PARD3B: variants seen among roughly 807,000 people sequenced by gnomAD.
PARD3B encodes the protein partitioning defective 3 homolog B.
PARD3B carries 103 observed loss-of-function variants against 130.2 expected under a neutral mutation model. The observed-to-expected ratio is 0.79, with a 90% CI of 0.67 to 0.93. The LOEUF (loss-of-function observed/expected upper bound fraction) is 0.93. Ranked by LOEUF, PARD3B falls within the 40% of genes least tolerant of loss-of-function variation. The pLI is 0.00. For missense variants in PARD3B, 1,609 were observed against 1,499.2 expected, an observed-to-expected ratio of 1.07 and a Z score of -1.21; for synonymous variants, 583 against 553.2, an observed-to-expected ratio of 1.05 and a Z score of -0.76.
At chr2:205,285,772 A>C (rs1007399307) in intron 16 of PARD3B, among the ~76,000 whole-genome samples, 1 of 152,056 alleles carries the variant, frequency 6.6e-6, no homozygotes, top group Non-Finnish European at 1.5e-5. Context: ...GTATCTTGCC[A>C]CATCCCACCT....
In PARD3B at chr2:205,518,383, G is replaced by A. The variant is rs150469606; in HGVS notation, c.3180+18352G>A. The stretch of plus-strand genomic sequence containing the variant: ...TTTGTTGGTTTGAAGTCTGTTTTGT[G>A]TTAAATTAGGATTGCAGCCTCTACT... On this transcript the variant is annotated intron_variant, in intron 21 of 22. Coordinates refer to ENST00000406610, the MANE Select transcript of PARD3B (RefSeq NM_001302769.2). Among the ~76,000 whole-genome samples the A allele has an allele frequency of 3.3e-3, 501 of 152,148 alleles. 1 individual carries two copies. The highest frequency in any genetic ancestry group is 0.011 in the African/African-American group (477 of 41,542).
chr2:204,692,097 T>A (rs2037382128), intron 2 of PARD3B, among the ~76,000 whole-genome samples: 1 of 152,146 alleles, frequency 6.6e-6, no homozygotes, highest in Non-Finnish European at 1.5e-5. Context: ...CTGAACACTC[T>A]GTTGCCCTCT....
chr2:204,873,195 G>A (rs1175388743), intron 2 of PARD3B, among the ~76,000 whole-genome samples: 1 of 152,174 alleles, frequency 6.6e-6, no homozygotes, highest in Non-Finnish European at 1.5e-5. Flanking sequence ...ATCCTTTACA[G>A]GTAGAATCTT....
At chr2:204,631,712 C>G (rs765157025) in intron 1 of PARD3B, among the ~76,000 whole-genome samples, 30 of 152,138 alleles carry the variant, frequency 2.0e-4, no homozygotes, top group Non-Finnish European at 3.5e-4. Context: ...GGTCTGTGTA[C>G]TTCAGTGTTT....
At chr2:204,940,924 T>C (rs1190882881) in intron 2 of PARD3B, among the ~76,000 whole-genome samples, 1 of 71,734 alleles carries the variant, frequency 1.4e-5, no homozygotes, top group East Asian at 5.0e-4. Context: ...AAAAATACAG[T>C]ACAAGAAAAA....
chr2:205,527,522 G>A (rs960015179), intron 21 of PARD3B, among the ~76,000 whole-genome samples: 1 of 152,116 alleles, frequency 6.6e-6, no homozygotes, highest in Admixed American at 6.6e-5. Context: ...AGTCTTTTCT[G>A]TGGTGACAAG....
At chr2:204,985,020 G>A (rs1314173685) in intron 3 of PARD3B, among the ~76,000 whole-genome samples, 1 of 151,756 alleles carries the variant, frequency 6.6e-6, no homozygotes, top group Admixed American at 6.6e-5. Flanking sequence ...ACCACGTTTG[G>A]CACGTCTAAT....
chr2:205,507,371 C>T (rs1033689678), intron 21 of PARD3B, among the ~76,000 whole-genome samples: 8 of 151,620 alleles, frequency 5.3e-5, no homozygotes, highest in Non-Finnish European at 7.4e-5. Flanking sequence ...CCCACCACCA[C>T]GCCCGGCTAA....
chr2:205,248,388 G>A (rs2039662953), intron 16 of PARD3B, among the ~76,000 whole-genome samples: 1 of 150,820 alleles, frequency 6.6e-6, no homozygotes, highest in South Asian at 2.1e-4. Flanking sequence ...ATTTGGTGGT[G>A]GTGGTGGTGG....
chr2:205,391,058 A>AATCTGTGGCCAGTGTGG (rs1197347160), intron 18 of PARD3B, among the ~76,000 whole-genome samples: 3 of 152,162 alleles, frequency 2.0e-5, no homozygotes, highest in African/African-American at 7.2e-5. Flanking sequence ...CTGCAGGATG[A>AATCTGTGGCCAGTGTGG]ATCTGTGGCC....
intron 22 of PARD3B, among the ~76,000 whole-genome samples, chr2:205,553,717 T>G (rs538904825): frequency 2.0e-5 from 3 of 152,154 alleles, no homozygotes; most frequent in African/African-American, 7.2e-5. Context: ...TTAGAGACAA[T>G]CAAATAGTAA....
intron 2 of PARD3B, among the ~76,000 whole-genome samples, chr2:204,726,334 C>T (rs2039226326): frequency 1.3e-5 from 2 of 152,136 alleles, no homozygotes; most frequent in South Asian, 2.1e-4. Flanking sequence ...GCTGGTTCAT[C>T]CTCACTCATC....
intron 18 of PARD3B, among the ~76,000 whole-genome samples, chr2:205,378,607 T>C (rs968651940): frequency 6.6e-6 from 1 of 151,456 alleles, no homozygotes; most frequent in Admixed American, 6.6e-5. Flanking sequence ...GGCTGGAAGT[T>C]AGCAGAAAAG....
intron 2 of PARD3B, among the ~76,000 whole-genome samples, chr2:204,736,999 G>A (rs1414982035): frequency 1.3e-5 from 2 of 152,130 alleles, no homozygotes; most frequent in Non-Finnish European, 2.9e-5. Context: ...CCAGGCTGGA[G>A]TGCAATGGCC....
chr2:205,067,095 C>CTTTTTTTTTTTTTTTTTTTTTTTTT lies in PARD3B; in HGVS notation c.504+19410_504+19434dup, dbSNP rs10672449. 1.2e-4 allele frequency among the ~76,000 whole-genome samples: 7 copies of CTTTTTTTTTTTTTTTTTTTTTTTTT among 59,722 alleles called. 2 individuals carry two copies. The highest frequency in any genetic ancestry group is 2.2e-4 in the Non-Finnish European group (7 of 32,130). 39.2% of individuals were successfully genotyped at this position (59,722 alleles called of 152,430 possible). A position where few individuals can be genotyped will look rare whatever the true frequency, so the allele number is the denominator to read the frequency against. ...GCATCTTGCATCCACTTTTACTAGG[C>CTTTTTTTTTTTTTTTTTTTTTTTTT]TTTTTTTTTTTTTTTTTTTTTTTTT... is the stretch of plus-strand genomic sequence containing the variant. On this transcript the variant is annotated intron_variant, in intron 4 of 22. Coordinates refer to ENST00000406610, the MANE Select transcript of PARD3B (RefSeq NM_001302769.2).
At chr2:205,395,494 C>T (rs2045995242) in intron 18 of PARD3B, among the ~76,000 whole-genome samples, 1 of 152,178 alleles carries the variant, frequency 6.6e-6, no homozygotes, top group African/African-American at 2.4e-5. Context: ...GCCTCTCCCC[C>T]AACCCCCACT....
intron 2 of PARD3B, among the ~76,000 whole-genome samples, chr2:204,820,540 C>T (rs2043311178): frequency 6.6e-6 from 1 of 151,778 alleles, no homozygotes; most frequent in African/African-American, 2.4e-5. Flanking sequence ...GCTGGTTGGG[C>T]ATGGGGGCTT....
chr2:205,599,179 G>C (rs1198727767), intron 22 of PARD3B, among the ~76,000 whole-genome samples: 1 of 152,070 alleles, frequency 6.6e-6, no homozygotes, highest in African/African-American at 2.4e-5. Flanking sequence ...GAACCCAGAG[G>C]TTCATGAATA....
intron 22 of PARD3B, among the ~76,000 whole-genome samples, chr2:205,598,218 C>T (rs1276152003): frequency 1.4e-4 from 22 of 152,032 alleles, no homozygotes; most frequent in Admixed American, 1.4e-3. Context: ...TTCAAGGGAC[C>T]CCCTCTTACA....
Sources: allele counts gnomAD v4.1 joint callset (sites outside exome capture counted in the v4.1 genomes callset), GRCh38; gene constraint gnomAD v4.1.1; transcripts MANE v1.5; gene names NCBI Gene and HGNC (gene_info 2026-07-23, HGNC 2026-07-21).